The following FAM20A variants were observed in gnomAD, a reference collection of about 807,000 sequenced individuals.
FAM20A encodes pseudokinase FAM20A.
Under a neutral mutation model 52.0 loss-of-function variants are expected in FAM20A, and 42 were observed. The observed-to-expected ratio is 0.81, with a 90% CI of 0.63 to 1.04. The LOEUF is 1.04. FAM20A is among the 50% of genes least tolerant of loss of function. The pLI, the probability that FAM20A is intolerant of heterozygous loss-of-function variation, is 0.00. For synonymous variants in FAM20A, 304 were observed against 298.9 expected (o/e 1.02, Z -0.18); for missense variants, 742 against 712.7 (o/e 1.04, Z -0.47).
At chr17:68,576,585 G>A (rs1329238571) in intron 1 of FAM20A, among the ~76,000 whole-genome samples, 2 of 152,196 alleles carry the variant, frequency 1.3e-5, no homozygotes, top group African/African-American at 4.8e-5. Context: ...CATAAATGCT[G>A]TGAGGGTGCT....
intron 8 of FAM20A, 96 bp from the exon 9 acceptor site, chr17:68,540,062 C>T: frequency 1.9e-6 from 2 of 1,052,340 alleles, no homozygotes; most frequent in Non-Finnish European, 2.9e-6. Flanking sequence ...CCTGTCATCA[C>T]TTGAGAGACA....
intron 1 of FAM20A, among the ~76,000 whole-genome samples, chr17:68,592,417 T>G (rs1307134662): frequency 6.6e-6 from 1 of 152,206 alleles, no homozygotes; most frequent in Non-Finnish European, 1.5e-5. Context: ...ACTGAGACCC[T>G]GTAAGGACAC....
In FAM20A at chr17:68,539,865, A is replaced by T; in HGVS notation, c.1301+20T>A. 1.2e-5 allele frequency: 19 copies of T among 1,612,338 alleles called. No individual in the cohort carries two copies. The highest frequency in any genetic ancestry group is 1.6e-5 in the Non-Finnish European group (19 of 1,178,524). On this transcript the variant is annotated intron_variant, in intron 9 of 10. Transcript: ENST00000592554. ...CACATCTGGGAGAGGGGATTGTTGAACACACGTGGGGAAGCTCACCCTCTG... is the reference window on the plus strand; with the variant it reads ...CACATCTGGGAGAGGGGATTGTTGATCACACGTGGGGAAGCTCACCCTCTG...
chr17:68,595,367 G>GA (rs566087503), intron 1 of FAM20A, among the ~76,000 whole-genome samples: 73 of 152,320 alleles, frequency 4.8e-4, no homozygotes, highest in Non-Finnish European at 9.6e-4. Flanking sequence ...GAATGAGGGA[G>GA]AAAAAACCTG....
chr17:68,540,847 A>G lies in FAM20A; in HGVS notation c.1219+2T>C, dbSNP rs1333462381. 3 of 1,595,440 alleles carry G rather than the reference A, an allele frequency of 1.9e-6. No individual in the cohort carries two copies. Among genetic ancestry groups the G allele is most frequent in the South Asian group, 1.1e-5 (1 of 88,484 alleles). ...GCTGGGGGCCTGCGTGTGGGGACCT[A>G]CCTATCAAGAAGTCGAAGATGGCCA... On this transcript the variant is annotated splice_donor_variant, in intron 8 of 10. Transcript: ENST00000592554. LOFTEE classifies it high-confidence loss of function.
intron 1 of FAM20A, among the ~76,000 whole-genome samples, chr17:68,571,307 T>C (rs1438836875): frequency 2.6e-5 from 4 of 152,200 alleles, no homozygotes; most frequent in Non-Finnish European, 5.9e-5. Flanking sequence ...CCTCAGTATT[T>C]GAAGGAGCAC....
At chr17:68,554,071 TAC>T (rs969319493) in intron 3 of FAM20A, among the ~76,000 whole-genome samples, 13 of 128,864 alleles carry the variant, frequency 1.0e-4, no homozygotes, top group East Asian at 2.1e-4. Flanking sequence ...TACACACATA[TAC>T]ACACATATAT....
In FAM20A at chr17:68,554,682, C is replaced by G. The variant is rs1228269697; in HGVS notation, c.640+95G>C. On this transcript the variant is annotated intron_variant, in intron 3 of 10. Coordinates refer to ENST00000592554, the MANE Select transcript of FAM20A (RefSeq NM_017565.4). ...GGTTAGGCAGAGAGCCATGCTCCTT[C>G]CACTCTTGCCCAAGGTCGCCACTGG... is the stretch of plus-strand genomic sequence containing the variant. 2.5e-6 allele frequency: 3 copies of G among 1,192,634 alleles called. No individual in the cohort carries two copies. The Admixed American group carries it at 5.6e-5, about 22-fold the overall frequency. 73.9% of individuals were successfully genotyped at this position (1,192,634 alleles called of 1,614,324 possible). A position where few individuals can be genotyped will look rare whatever the true frequency, so the allele number is the denominator to read the frequency against.
rs2086193164 is a variant in FAM20A, at chr17:68,539,389, G to A, written c.1309C>T (p.Arg437Ter). 8.1e-6 allele frequency: 13 copies of A among 1,614,016 alleles called. No individual in the cohort carries two copies. Among genetic ancestry groups the A allele is most frequent in the Admixed American group, 3.3e-5 (2 of 60,002 alleles). Residue 437 changes from arginine to a stop codon, truncating the protein, a stop_gained, in exon 10 of 11, where the codon CGA (arginine) becomes TGA (stop). Coordinates refer to ENST00000592554, the MANE Select transcript of FAM20A (RefSeq NM_017565.4). LOFTEE classifies it high-confidence loss of function. ...ATGGAGATTTCATCATGGGAGTGTC[G>A]TCCGAACCTAGGAGGAGAAACAGGC... is the stretch of plus-strand genomic sequence containing the variant. ...IHLDNARGFG[R>*]HSHDEISILS...
intron 1 of FAM20A, among the ~76,000 whole-genome samples, chr17:68,573,009 G>A (rs145505452): frequency 1.2e-4 from 18 of 152,258 alleles, no homozygotes; most frequent in African/African-American, 4.1e-4. Context: ...ATGCACCCCC[G>A]CTTTGGAGGC....
chr17:68,559,582 T>A lies in FAM20A; in HGVS notation c.405-3839A>T, dbSNP rs185147129. Among the ~76,000 whole-genome samples the A allele has an allele frequency of 2.6e-4, 39 of 152,356 alleles. 1 individual carries two copies. The East Asian group carries it at 7.3e-3, about 29-fold the overall frequency. ...ACTGGAATTTTCCTTGGAAATAGTTTCCTAAAAAGAAGAGTATTTCTTTCA... is the reference window on the plus strand; with the variant it reads ...ACTGGAATTTTCCTTGGAAATAGTTACCTAAAAAGAAGAGTATTTCTTTCA... On this transcript the variant is annotated intron_variant, in intron 1 of 10. Coordinates refer to ENST00000592554, the MANE Select transcript of FAM20A (RefSeq NM_017565.4).
rs559394367 is a variant in FAM20A at position 68,552,713 on chromosome 17, C to T, written c.641-762G>A. 5.2e-4 allele frequency among the ~76,000 whole-genome samples: 55 copies of T among 105,906 alleles called. 2 individuals carry two copies. The highest frequency in any genetic ancestry group is 1.9e-3 in the African/African-American group (52 of 27,394). 69.5% of individuals were successfully genotyped at this position (105,906 alleles called of 152,430 possible). A position where few individuals can be genotyped will look rare whatever the true frequency, so the allele number is the denominator to read the frequency against. ...TTTTTGAGACGGAGTCTCGCTCTGT[C>T]GCCCAGGCCGGACTGCGGACTGCAG... On this transcript the variant is annotated intron_variant, in intron 3 of 10. Transcript: ENST00000592554.
Position 68,594,133 on chromosome 17 carries a change from C to T in FAM20A, c.404+6130G>A, listed in dbSNP as rs550604876. Reference sequence around the variant, plus strand: ...AAATGAAGTAAAGAGCAGTACTGGCCGGGCGCGGTGGCTCACGCCTGTAAT... The same window carrying T: ...AAATGAAGTAAAGAGCAGTACTGGCTGGGCGCGGTGGCTCACGCCTGTAAT... On this transcript the variant is annotated intron_variant, in intron 1 of 10. Transcript: ENST00000592554. Among the ~76,000 whole-genome samples, 27 of 152,296 alleles carry T rather than the reference C, an allele frequency of 1.8e-4. 1 individual carries two copies. The South Asian group carries it at 5.2e-3, about 29-fold the overall frequency.
chr17:68,579,115 G>A (rs2087868758), intron 1 of FAM20A, among the ~76,000 whole-genome samples: 1 of 152,108 alleles, frequency 6.6e-6, no homozygotes, highest in South Asian at 2.1e-4. Context: ...AGAATTTTGG[G>A]GAAGCATGAA....
intron 1 of FAM20A, among the ~76,000 whole-genome samples, chr17:68,568,799 CT>C (rs35576157): frequency 0.18 from 27,079 of 151,674 alleles, 2,670 homozygotes; most frequent in East Asian, 0.34. Flanking sequence ...CCAGGTTTAT[CT>C]CTTCATCTCA....
intron 5 of FAM20A, among the ~76,000 whole-genome samples, chr17:68,543,018 AATG>A (rs2086379348): frequency 6.6e-6 from 1 of 152,108 alleles, no homozygotes; most frequent in Non-Finnish European, 1.5e-5. Context: ...TGGAGTTGAA[AATG>A]AATCCTTATT....
chr17:68,554,157 G>A (rs1434079722), intron 3 of FAM20A, among the ~76,000 whole-genome samples: 2 of 151,616 alleles, frequency 1.3e-5, no homozygotes, highest in Non-Finnish European at 2.9e-5. Context: ...TTTAGCTGGA[G>A]TCTCACTGTG....
chr17:68,554,083 T>C (rs12601033), intron 3 of FAM20A, among the ~76,000 whole-genome samples: 14 of 138,172 alleles, frequency 1.0e-4, no homozygotes, highest in South Asian at 4.5e-4. Context: ...CACACATATA[T>C]ACATATATAC....
chr17:68,595,197 G>A (rs2088420159), intron 1 of FAM20A, among the ~76,000 whole-genome samples: 1 of 152,250 alleles, frequency 6.6e-6, no homozygotes, highest in African/African-American at 2.4e-5. Context: ...TGAAAGAAGA[G>A]TGTTGTTAGG....
Sources: gnomAD v4.1 joint callset for allele counts (sites outside exome capture counted in the v4.1 genomes callset) on GRCh38, gnomAD v4.1.1 for gene constraint, MANE v1.5 for transcripts, NCBI Gene and HGNC (gene_info 2026-07-23, HGNC 2026-07-21) for gene names.